The following NID1 variants were observed in gnomAD, a reference collection of about 807,000 sequenced individuals.
NID1 encodes the protein nidogen 1.
Under a neutral mutation model 130.6 loss-of-function variants are expected in NID1, and 76 were observed. The observed-to-expected ratio is 0.58, with a 90% confidence interval of 0.48 to 0.70. NID1 has a LOEUF of 0.70. Among genes scored for constraint, NID1 ranks in the 30% least tolerant of loss-of-function variants. The probability of loss-of-function intolerance (pLI) is 0.00; values close to 1 mark genes in which losing one functional copy is unlikely to be tolerated. For synonymous variants in NID1, 665 were observed against 675.1 expected (o/e 0.98, Z 0.23); for missense variants, 1,517 against 1,664.8 (o/e 0.91, Z 1.54).
intron 9 of NID1, among the ~76,000 whole-genome samples, chr1:236,022,277 A>C (rs1196359312): frequency 1.3e-5 from 2 of 151,966 alleles, no homozygotes; most frequent in Admixed American, 6.6e-5. Context: ...AAAAACAATA[A>C]AAATAAAATA....
At chr1:236,001,950 G>A (rs1331845587) in intron 12 of NID1, among the ~76,000 whole-genome samples, 2 of 152,168 alleles carry the variant, frequency 1.3e-5, no homozygotes, top group African/African-American at 4.8e-5. Context: ...GTCATCATAC[G>A]CTTCAGGTCA....
In NID1 at chr1:236,042,017, A is replaced by G. The variant is rs779246031; in HGVS notation, c.1028T>C (p.Leu343Pro). ...SPRRAATERP[L>P]GPPTERTRSF... ...CCTGGTTCTCTCTGTGGGAGGTCCA[A>G]GGGGCCTTTCGGTAGCTGCCCGGCG... Residue 343 changes from leucine (L) to proline (P), a missense_variant, in exon 4 of 20, where the codon CTT becomes CCT. By Grantham distance (98) the Leu-to-Pro change is moderately conservative. Coordinates refer to ENST00000264187, the MANE Select transcript of NID1 (RefSeq NM_002508.3). 1 of 1,614,178 alleles carries G rather than the reference A, an allele frequency of 6.2e-7. No individual in the cohort carries two copies. The highest frequency in any genetic ancestry group is 1.1e-5 in the South Asian group (1 of 91,078).
At chr1:236,026,743 T>C (rs1268991667) in intron 7 of NID1, among the ~76,000 whole-genome samples, 1 of 151,044 alleles carries the variant, frequency 6.6e-6, no homozygotes, top group Admixed American at 6.6e-5. Flanking sequence ...TTTTTCATTT[T>C]TTTTTTTTTT....
rs144038135 is a variant in NID1 at position 235,979,497 on chromosome 1, G to A, written c.3509+325C>T. 4.0e-3 allele frequency among the ~76,000 whole-genome samples: 611 copies of A among 152,274 alleles called. 1 individual carries two copies. The highest frequency in any genetic ancestry group is 6.7e-3 in the Non-Finnish European group (453 of 68,020). ...ACATGAAGTGGACATGGAGCCCACC[G>A]GCCACGTGACCCTGGGCCAACTCCT... On this transcript the variant is annotated intron_variant, in intron 18 of 19. Coordinates refer to ENST00000264187, the MANE Select transcript of NID1 (RefSeq NM_002508.3). This position sits in a 1 kb window ranked among gnomAD's most constrained non-coding sequence, Gnocchi z 4.6.
intron 14 of NID1, among the ~76,000 whole-genome samples, chr1:235,985,920 T>C (rs1657561522): frequency 6.6e-6 from 1 of 152,052 alleles, no homozygotes; most frequent in Non-Finnish European, 1.5e-5. Flanking sequence ...CCACCATGCC[T>C]AGCTCATTTC....
Position 236,061,257 on chromosome 1 carries a change from G to A in NID1, c.225+3598C>T, listed in dbSNP as rs145599967. On this transcript the variant is annotated intron_variant, in intron 1 of 19. Transcript: ENST00000264187. ...AAAGATTAGTGGGCAGGAAATAGATGATAAGGCCAAAATGAGTGTCACCCC... is the reference window on the plus strand; with the variant it reads ...AAAGATTAGTGGGCAGGAAATAGATAATAAGGCCAAAATGAGTGTCACCCC... Among the ~76,000 whole-genome samples the A allele has an allele frequency of 7.2e-4, 109 of 152,294 alleles. 1 individual carries two copies. Among genetic ancestry groups the A allele is most frequent in the Non-Finnish European group, 1.4e-3 (95 of 68,020 alleles).
chr1:236,028,078 G>A (rs1658991485), intron 7 of NID1, among the ~76,000 whole-genome samples: 1 of 152,142 alleles, frequency 6.6e-6, no homozygotes, highest in South Asian at 2.1e-4. Flanking sequence ...CAAGATTTAT[G>A]ATTAAGACAA....
intron 8 of NID1, among the ~76,000 whole-genome samples, chr1:236,024,791 T>G (rs1169536314): frequency 6.6e-6 from 1 of 152,156 alleles, no homozygotes; most frequent in Non-Finnish European, 1.5e-5. Flanking sequence ...CTGACACTGG[T>G]ATGTCACAAA....
Position 236,062,451 on chromosome 1 carries a change from A to T in NID1, c.225+2404T>A, listed in dbSNP as rs193228436. On this transcript the variant is annotated intron_variant, in intron 1 of 19. Coordinates refer to ENST00000264187, the MANE Select transcript of NID1 (RefSeq NM_002508.3). ...GGAGTTAGAGACCAGCCTGACCAACATGGAGAAACCCCGCCTCTACTAAAA... is the reference window on the plus strand; with the variant it reads ...GGAGTTAGAGACCAGCCTGACCAACTTGGAGAAACCCCGCCTCTACTAAAA... Among the ~76,000 whole-genome samples the T allele has an allele frequency of 2.3e-3, 347 of 152,154 alleles. 1 individual carries two copies. The highest frequency in any genetic ancestry group is 8.2e-3 in the African/African-American group (339 of 41,546).
At chr1:236,004,826 G>T (rs1658200370) in intron 12 of NID1, among the ~76,000 whole-genome samples, 2 of 148,552 alleles carry the variant, frequency 1.3e-5, no homozygotes. Flanking sequence ...CTAGGAAATT[G>T]ACCGGGCTGT....
In NID1 at chr1:236,025,893, T is replaced by C; in HGVS notation, c.1984+3A>G. 1 of 1,613,642 alleles carries C rather than the reference T, an allele frequency of 6.2e-7. No homozygotes were observed. The highest frequency in any genetic ancestry group is 8.5e-7 in the Non-Finnish European group (1 of 1,179,670). ...GTGCCCAGCATGAGCTGTATCCCCT[T>C]ACCCCTCACAGGCCCAATGGAGTTG... On this transcript the variant is annotated splice_donor_region_variant and intron_variant, in intron 8 of 19. Coordinates refer to ENST00000264187, the MANE Select transcript of NID1 (RefSeq NM_002508.3).
At chr1:236,010,298 T>C (rs1658370991) in intron 12 of NID1, among the ~76,000 whole-genome samples, 1 of 140,742 alleles carries the variant, frequency 7.1e-6, no homozygotes, top group Admixed American at 7.2e-5. Flanking sequence ...AGGCTATTTA[T>C]ACTTTTTTTT....
intron 12 of NID1, among the ~76,000 whole-genome samples, chr1:235,997,144 T>A (rs952670466): frequency 6.6e-6 from 1 of 151,908 alleles, no homozygotes; most frequent in African/African-American, 2.4e-5. Context: ...TCCTCTCTGC[T>A]TTTTTTTGAT....
chr1:236,011,554 C>T (rs191976077), intron 12 of NID1, among the ~76,000 whole-genome samples: 120 of 152,280 alleles, frequency 7.9e-4, no homozygotes, highest in African/African-American at 2.7e-3. Context: ...CCACCCACCT[C>T]GGCCTCCTAA....
At chr1:235,987,357 G>A (rs1482007544) in intron 14 of NID1, among the ~76,000 whole-genome samples, 1 of 152,164 alleles carries the variant, frequency 6.6e-6, no homozygotes, top group Non-Finnish European at 1.5e-5. Context: ...GAGATCTTTT[G>A]CAAATTAAAA....
At chr1:236,007,360 C>T (rs1369736613) in intron 12 of NID1, among the ~76,000 whole-genome samples, 1 of 152,174 alleles carries the variant, frequency 6.6e-6, no homozygotes. Flanking sequence ...GTTACATTCC[C>T]TCAGATGTTG....
intron 12 of NID1, 121 bp from the exon 13 acceptor site, chr1:235,993,993 G>T: frequency 1.3e-6 from 1 of 778,612 alleles, no homozygotes; most frequent in Non-Finnish European, 2.0e-6. Flanking sequence ...TGTGTCACTG[G>T]GTTTTGTTTC....
At chr1:236,005,738 C>T (rs1239957308) in intron 12 of NID1, among the ~76,000 whole-genome samples, 1 of 152,126 alleles carries the variant, frequency 6.6e-6, no homozygotes, top group Non-Finnish European at 1.5e-5. Flanking sequence ...AAAAACATAG[C>T]TTATCTGAAT....
chr1:235,978,040 A>G, intron 19 of NID1, 52 bp from the exon 20 acceptor site: 1 of 1,595,584 alleles, frequency 6.3e-7, no homozygotes. Flanking sequence ...CTGACTCCAT[A>G]GCCATTTAAG....
Sources: gnomAD v4.1 joint callset for allele counts (sites outside exome capture counted in the v4.1 genomes callset) on GRCh38, gnomAD v4.1.1 for gene constraint, Gnocchi (gnomAD v3.1) non-coding constraint, MANE v1.5 for transcripts, NCBI Gene and HGNC (gene_info 2026-07-23, HGNC 2026-07-21) for gene names.